The following MED13L variants were observed in gnomAD, a reference collection of about 807,000 sequenced individuals.
MED13L encodes mediator complex subunit 13L.
Under a neutral mutation model 220.9 loss-of-function variants are expected in MED13L, and 7 were observed. That is an observed-to-expected ratio of 0.03 (90% CI 0.02 to 0.06). The LOEUF is 0.06. Among genes scored for constraint, MED13L ranks in the 10% least tolerant of loss-of-function variants. The pLI, the probability that MED13L is intolerant of heterozygous loss-of-function variation, is 1.00. For synonymous variants in MED13L, 1,011 were observed against 1,015.2 expected (o/e 1.00, Z 0.08); for missense variants, 1,965 against 2,760.5 (o/e 0.71, Z 6.46).
chr12:115,983,576 TA>T, intron 20 of MED13L, 36 bp from the exon 21 acceptor site: 1 of 1,608,838 alleles, frequency 6.2e-7, no homozygotes. Context: ...ACTTTAGTGA[TA>T]TTCTGCAGTG....
intron 4 of MED13L, among the ~76,000 whole-genome samples, chr12:116,063,776 AT>A (rs2137648823): frequency 6.6e-6 from 1 of 152,294 alleles, no homozygotes; most frequent in Admixed American, 6.5e-5. Context: ...CTGTTGTGAT[AT>A]TACTAATACA....
At chr12:116,042,034 A>G (rs1048537519) in intron 4 of MED13L, among the ~76,000 whole-genome samples, 15 of 152,240 alleles carry the variant, frequency 9.9e-5, no homozygotes, top group Admixed American at 6.5e-4. Flanking sequence ...TATTTTACTC[A>G]GCACTGTATT....
intron 2 of MED13L, among the ~76,000 whole-genome samples, chr12:116,186,216 A>G (rs1246643755): frequency 6.6e-6 from 1 of 152,248 alleles, no homozygotes; most frequent in Admixed American, 6.5e-5. Flanking sequence ...CATTTTATAT[A>G]TAGCATTTTA....
intron 4 of MED13L, among the ~76,000 whole-genome samples, chr12:116,038,147 CTTACT>C (rs532606134): frequency 2.3e-4 from 34 of 150,960 alleles, no homozygotes; most frequent in African/African-American, 7.8e-4. Context: ...ATTTTTATTG[CTTACT>C]TTAAGACATG....
At chr12:116,008,099 T>C (rs1879163950) in intron 10 of MED13L, 2 of 398,248 alleles carry the variant, frequency 5.0e-6, no homozygotes, top group East Asian at 4.3e-5. Flanking sequence ...GACAGCAGTA[T>C]GGAAAGTCTT....
chr12:116,148,051 CAAAAAA>C (rs10678970), intron 2 of MED13L, among the ~76,000 whole-genome samples: 498 of 18,128 alleles, frequency 0.027, 6 homozygotes, highest in African/African-American at 0.038. Flanking sequence ...GACCCCATCT[CAAAAAA>C]AAAAAAAAAA....
chr12:116,275,027 C>T (rs1435525004), intron 1 of MED13L, among the ~76,000 whole-genome samples: 1 of 151,462 alleles, frequency 6.6e-6, no homozygotes, highest in Non-Finnish European at 1.5e-5. Flanking sequence ...AATGATATAC[C>T]CTAAAGACTG....
chr12:116,107,821 G>T (rs1002470504), intron 3 of MED13L, among the ~76,000 whole-genome samples: 4 of 152,238 alleles, frequency 2.6e-5, no homozygotes, highest in African/African-American at 9.6e-5. Context: ...GCCGGGCGCC[G>T]TGGCTCATGC....
intron 1 of MED13L, among the ~76,000 whole-genome samples, chr12:116,275,204 T>C (rs1327510274): frequency 2.0e-5 from 3 of 152,074 alleles, no homozygotes; most frequent in African/African-American, 7.2e-5. Context: ...AAATACCCCT[T>C]GATCAATATG....
intron 3 of MED13L, among the ~76,000 whole-genome samples, chr12:116,102,703 CTTTTTTCTTTTT>C (rs1873180014): frequency 1.6e-5 from 1 of 63,204 alleles, no homozygotes; most frequent in Admixed American, 1.7e-4. Flanking sequence ...TTTTCTTTTT[CTTTTTTCTTTTT>C]TTTTTTTTTT....
intron 3 of MED13L, among the ~76,000 whole-genome samples, chr12:116,105,594 A>G (rs991431788): frequency 6.6e-6 from 1 of 152,234 alleles, no homozygotes; most frequent in Non-Finnish European, 1.5e-5. Context: ...AATAAGACTC[A>G]AAGTTTTAAA....
chr12:116,272,317 C>A (rs1250938184), intron 1 of MED13L, among the ~76,000 whole-genome samples: 1 of 152,194 alleles, frequency 6.6e-6, no homozygotes, highest in Admixed American at 6.5e-5. Flanking sequence ...AATCCCAGCA[C>A]TTTGGGAGGC....
At chr12:116,239,332 T>A (rs1026598975) in intron 1 of MED13L, among the ~76,000 whole-genome samples, 14 of 152,134 alleles carry the variant, frequency 9.2e-5, no homozygotes, top group Non-Finnish European at 2.1e-4. Context: ...CCTCTAAATA[T>A]AAAAGCACTA....
intron 8 of MED13L, among the ~76,000 whole-genome samples, chr12:116,014,330 A>G (rs1434387631): frequency 6.6e-6 from 1 of 152,238 alleles, no homozygotes; most frequent in East Asian, 1.9e-4. Context: ...TCTGTTTCAG[A>G]GAATCAAGAC....
At chr12:116,138,136 G>A (rs991972636) in intron 2 of MED13L, among the ~76,000 whole-genome samples, 4 of 152,116 alleles carry the variant, frequency 2.6e-5, no homozygotes, top group Non-Finnish European at 4.4e-5. Flanking sequence ...GATTGCAGGC[G>A]TGAGCCACCA....
At chr12:116,247,308 G>C (rs1213826195) in intron 1 of MED13L, among the ~76,000 whole-genome samples, 1 of 151,750 alleles carries the variant, frequency 6.6e-6, no homozygotes, top group Non-Finnish European at 1.5e-5. Flanking sequence ...CTAATATTGA[G>C]AACTCACTTA....
chr12:116,066,198 C>A (rs142730368), intron 4 of MED13L, among the ~76,000 whole-genome samples: 4 of 152,262 alleles, frequency 2.6e-5, no homozygotes, highest in Non-Finnish European at 5.9e-5. Context: ...GAAAAGCATG[C>A]GCACTCTGGA....
intron 3 of MED13L, among the ~76,000 whole-genome samples, chr12:116,108,390 A>G (rs1222709868): frequency 1.5e-4 from 6 of 41,246 alleles, no homozygotes; most frequent in South Asian, 1.8e-3. Context: ...TTTAAAAGAA[A>G]GGGGGGGGGG....
intron 4 of MED13L, among the ~76,000 whole-genome samples, chr12:116,082,324 C>G (rs1425801092): frequency 6.6e-6 from 1 of 152,126 alleles, no homozygotes; most frequent in Non-Finnish European, 1.5e-5. Context: ...GAGGAGCAAG[C>G]AAAGTAAAAA....
Sources: allele counts gnomAD v4.1 joint callset (sites outside exome capture counted in the v4.1 genomes callset), GRCh38; gene constraint gnomAD v4.1.1; transcripts MANE v1.5; gene names NCBI Gene and HGNC (gene_info 2026-07-23, HGNC 2026-07-21).